PCDH9: variants seen among roughly 807,000 people sequenced by gnomAD.
PCDH9 encodes protocadherin 9.
A neutral mutation model predicts 70.6 loss-of-function variants in PCDH9; 24 were observed. The ratio of observed to expected loss-of-function variants is 0.34; its 90% confidence interval spans 0.25 to 0.48. The LOEUF (loss-of-function observed/expected upper bound fraction) is 0.48. Among genes scored for constraint, PCDH9 ranks in the 20% least tolerant of loss-of-function variants. The pLI is 0.99. For missense variants in PCDH9, 1,281 were observed against 1,503.6 expected (o/e 0.85, Z 2.45); for synonymous variants, 562 against 558.5 (o/e 1.01, Z -0.09).
At chr13:66,645,898 G>A (rs978446614) in intron 3 of PCDH9, among the ~76,000 whole-genome samples, 1 of 152,160 alleles carries the variant, frequency 6.6e-6, no homozygotes, top group Non-Finnish European at 1.5e-5. Context: ...GTAACAGAAA[G>A]ATCCAATCTA....
At chr13:67,036,981 A>C (rs1009379688) in intron 2 of PCDH9, among the ~76,000 whole-genome samples, 1 of 152,190 alleles carries the variant, frequency 6.6e-6, no homozygotes, top group African/African-American at 2.4e-5. Flanking sequence ...AGGAAACTAT[A>C]TTATGGGTTG....
At chr13:66,566,883 A>G (rs1324882459) in intron 4 of PCDH9, among the ~76,000 whole-genome samples, 1 of 152,184 alleles carries the variant, frequency 6.6e-6, no homozygotes, top group Non-Finnish European at 1.5e-5. Context: ...TTAAATGTTA[A>G]TGGAGACTAT....
chr13:66,790,417 G>A (rs568518884), intron 3 of PCDH9, among the ~76,000 whole-genome samples: 3 of 151,994 alleles, frequency 2.0e-5, no homozygotes, highest in Non-Finnish European at 4.4e-5. Context: ...CTCACAAAGA[G>A]AGGTTCTAAT....
intron 3 of PCDH9, among the ~76,000 whole-genome samples, chr13:66,725,727 A>T (rs2078997354): frequency 6.6e-6 from 1 of 152,242 alleles, no homozygotes; most frequent in Non-Finnish European, 1.5e-5. Context: ...AATGGGGTTC[A>T]AATGAAAATC....
At chr13:67,012,228 G>C (rs2084465086) in intron 2 of PCDH9, among the ~76,000 whole-genome samples, 1 of 151,574 alleles carries the variant, frequency 6.6e-6, no homozygotes, top group African/African-American at 2.4e-5. Context: ...TTGTTGAATA[G>C]AATATTAAAC....
intron 2 of PCDH9, among the ~76,000 whole-genome samples, chr13:66,919,205 A>G (rs1436417833): frequency 6.6e-6 from 1 of 151,192 alleles, no homozygotes; most frequent in Admixed American, 6.6e-5. Flanking sequence ...CTAAGTGATG[A>G]CATCCAAAGT....
chr13:66,706,688 G>A (rs1454763177), intron 3 of PCDH9, among the ~76,000 whole-genome samples: 1 of 152,154 alleles, frequency 6.6e-6, no homozygotes, highest in East Asian at 1.9e-4. Context: ...AAGAGGGGAA[G>A]GCTATGAAAG....
chr13:67,045,409 T>G (rs2085203963), intron 2 of PCDH9, among the ~76,000 whole-genome samples: 1 of 152,128 alleles, frequency 6.6e-6, no homozygotes, highest in Non-Finnish European at 1.5e-5. Flanking sequence ...GAATACCTCT[T>G]TCCATCTCCA....
intron 2 of PCDH9, among the ~76,000 whole-genome samples, chr13:67,139,285 A>G (rs1355584557): frequency 6.6e-6 from 1 of 152,210 alleles, no homozygotes; most frequent in Non-Finnish European, 1.5e-5. Flanking sequence ...TGACTGCTCA[A>G]CATTGCCATT....
At chr13:66,539,394 C>T (rs907448315) in intron 4 of PCDH9, among the ~76,000 whole-genome samples, 22 of 152,140 alleles carry the variant, frequency 1.4e-4, no homozygotes, top group Admixed American at 3.9e-4. Flanking sequence ...GTGTGGTTAC[C>T]ACCATGTTGC....
Position 66,956,847 on chromosome 13 carries a change from C to T in PCDH9, c.3037-53242G>A, listed in dbSNP as rs142942204. On this transcript the variant is annotated intron_variant, in intron 2 of 4. Coordinates refer to ENST00000377865, the MANE Select transcript of PCDH9 (RefSeq NM_203487.3). Reference sequence around the variant, plus strand: ...TTGTTGCTGTTTCGCACTCCACCCACTTCTTCCCCTCTCCCCCCACCAAAA... The same window carrying T: ...TTGTTGCTGTTTCGCACTCCACCCATTTCTTCCCCTCTCCCCCCACCAAAA... Among the ~76,000 whole-genome samples, 8 of 152,264 alleles carry T rather than the reference C, an allele frequency of 5.3e-5. No individual in the cohort carries two copies. In the East Asian group the frequency reaches 1.5e-3, roughly 29 times the overall value.
rs74969304 is a variant in PCDH9 at position 66,883,585 on chromosome 13, C to T, written c.3138+19919G>A. On this transcript the variant is annotated intron_variant, in intron 3 of 4. Coordinates refer to ENST00000377865, the MANE Select transcript of PCDH9 (RefSeq NM_203487.3). ...ATAATGGTTCTAAGCACAACCATTT[C>T]TTTAATGAGGGAATGTTCCTTTTAT... Among the ~76,000 whole-genome samples the T allele has an allele frequency of 4.3e-3, 657 of 152,236 alleles. 3 individuals are homozygous for T. Among genetic ancestry groups the T allele is most frequent in the African/African-American group, 0.015 (634 of 41,542 alleles).
At chr13:67,127,997 G>C (rs2087020965) in intron 2 of PCDH9, among the ~76,000 whole-genome samples, 1 of 152,094 alleles carries the variant, frequency 6.6e-6, no homozygotes, top group Non-Finnish European at 1.5e-5. Flanking sequence ...GGATATTACA[G>C]CGGTATTCTC....
intron 4 of PCDH9, among the ~76,000 whole-genome samples, chr13:66,366,853 C>G (rs998694091): frequency 3.3e-5 from 5 of 152,136 alleles, no homozygotes; most frequent in African/African-American, 1.2e-4. Context: ...CCTGGTTCAC[C>G]TGAGTTAGTT....
At chr13:67,049,550 T>C (rs1468195287) in intron 2 of PCDH9, among the ~76,000 whole-genome samples, 3 of 152,166 alleles carry the variant, frequency 2.0e-5, no homozygotes, top group Non-Finnish European at 4.4e-5. Flanking sequence ...TATGTATATA[T>C]CAAGAACTTA....
At chr13:66,886,473 G>T (rs2082006342) in intron 3 of PCDH9, among the ~76,000 whole-genome samples, 1 of 152,090 alleles carries the variant, frequency 6.6e-6, no homozygotes, top group African/African-American at 2.4e-5. Context: ...AAGTGGCTTT[G>T]AAAAGCCACT....
intron 4 of PCDH9, among the ~76,000 whole-genome samples, chr13:66,572,099 T>C (rs563614680): frequency 6.6e-6 from 1 of 152,224 alleles, no homozygotes; most frequent in South Asian, 2.1e-4. Context: ...TACTGATACA[T>C]AACAATTGTA....
chr13:66,734,771 A>C (rs1347390834), intron 3 of PCDH9, among the ~76,000 whole-genome samples: 6 of 152,170 alleles, frequency 3.9e-5, no homozygotes, highest in Admixed American at 3.3e-4. Context: ...ATCTCATATC[A>C]GGCTGTGAAA....
chr13:66,584,462 T>C (rs1380459485), intron 4 of PCDH9, among the ~76,000 whole-genome samples: 1 of 152,158 alleles, frequency 6.6e-6, no homozygotes, highest in African/African-American at 2.4e-5. Flanking sequence ...TTTCCTAAAG[T>C]TGCTAAAATA....
Sources: gnomAD v4.1 joint callset for allele counts (sites outside exome capture counted in the v4.1 genomes callset) on GRCh38, gnomAD v4.1.1 for gene constraint, MANE v1.5 for transcripts, NCBI Gene and HGNC (gene_info 2026-07-23, HGNC 2026-07-21) for gene names.